Variants in RAB3B observed in about 807,000 individuals in gnomAD.
The protein encoded by RAB3B is ras-related protein Rab-3B.
In RAB3B, 11 loss-of-function variants were observed where a neutral mutation model predicts 20.5. The observed-to-expected ratio is 0.54, with a 90% CI of 0.34 to 0.89. The LOEUF (loss-of-function observed/expected upper bound fraction) is 0.89. Among genes scored for constraint, RAB3B ranks in the 40% least tolerant of loss-of-function variants. RAB3B has a pLI of 0.02. For missense variants in RAB3B, 225 were observed against 280.9 expected (o/e 0.80, Z 1.42); for synonymous variants, 99 against 106.3 (o/e 0.93, Z 0.42).
At chr1:51,977,263 T>G in intron 1 of RAB3B, 146 bp from the exon 2 acceptor site, 1 of 642,028 alleles carries the variant, frequency 1.6e-6, no homozygotes, top group South Asian at 1.9e-5. Flanking sequence ...AATCACCCCA[T>G]CACTACACCT....
chr1:51,920,318 TC>T (rs1300394270), intron 4 of RAB3B, among the ~76,000 whole-genome samples: 1 of 152,206 alleles, frequency 6.6e-6, no homozygotes, highest in African/African-American at 2.4e-5. Context: ...GTCAGACTGA[TC>T]CTAGCTCTAC....
At chr1:51,924,439 G>A (rs1056433455) in intron 4 of RAB3B, among the ~76,000 whole-genome samples, 3 of 152,202 alleles carry the variant, frequency 2.0e-5, no homozygotes, top group African/African-American at 7.2e-5. Flanking sequence ...CACTGTGAGT[G>A]TATGTGTGAG....
intron 2 of RAB3B, among the ~76,000 whole-genome samples, chr1:51,964,619 C>A (rs1169276748): frequency 6.6e-6 from 1 of 152,144 alleles, no homozygotes; most frequent in Admixed American, 6.5e-5. Context: ...AAACCCTGTT[C>A]TTCCTGCAGT....
intron 3 of RAB3B, 133 bp from the exon 4 acceptor site, chr1:51,933,575 A>G: frequency 1.3e-6 from 1 of 770,786 alleles, no homozygotes; most frequent in East Asian, 2.8e-5. Flanking sequence ...TTCGGGATGT[A>G]ATTATGTCAA....
Position 51,908,795 on chromosome 1 carries a change from T to C in RAB3B, c.*11132A>G, listed in dbSNP as rs1381042114. The C allele has an allele frequency of 6.6e-6, 1 of 152,176 alleles. No individual in the cohort carries two copies. Among genetic ancestry groups the C allele is most frequent in the East Asian group, 1.9e-4 (1 of 5,180 alleles). The allele number at this position is 152,176 out of a possible 1,614,324, so 9.4% of individuals were successfully genotyped here. On this transcript the variant is annotated 3_prime_UTR_variant, in exon 5 of 5. Transcript: ENST00000371655. ...CCTGCCATTTACTGCCTTCTCTATG[T>C]AGTCTTGGATAGGTTGCTTCACTGA...
chr1:51,928,408 C>T (rs921252518), intron 4 of RAB3B, among the ~76,000 whole-genome samples: 4 of 152,184 alleles, frequency 2.6e-5, no homozygotes, highest in Non-Finnish European at 4.4e-5. Context: ...AGCCCAGCCT[C>T]ACAGCTTTAA....
intron 2 of RAB3B, among the ~76,000 whole-genome samples, chr1:51,945,862 C>T (rs1306614461): frequency 6.6e-6 from 1 of 152,184 alleles, no homozygotes; most frequent in Non-Finnish European, 1.5e-5. Flanking sequence ...TGGCCTAACT[C>T]CCAGCTCTGC....
At chr1:51,966,748 A>G (rs1055198826) in intron 2 of RAB3B, among the ~76,000 whole-genome samples, 1 of 152,200 alleles carries the variant, frequency 6.6e-6, no homozygotes, top group Admixed American at 6.5e-5. Context: ...TCTGATTATC[A>G]TAAGAGCTGA....
chr1:51,980,118 A>G lies in RAB3B; in HGVS notation c.1-3001T>C, dbSNP rs140518912. Among the ~76,000 whole-genome samples, 66 of 151,312 alleles carry G rather than the reference A, an allele frequency of 4.4e-4. No homozygotes were observed. In the East Asian group the frequency reaches 0.012, roughly 28 times the overall value. ...AACATTTTACTGTATTTCCTCCAAT[A>G]TTTTTTCATACAAAAGAGTGCCACC... On this transcript the variant is annotated intron_variant, in intron 1 of 4. Transcript: ENST00000371655.
intron 2 of RAB3B, among the ~76,000 whole-genome samples, chr1:51,951,929 C>T (rs551277096): frequency 2.6e-5 from 4 of 152,296 alleles, no homozygotes; most frequent in South Asian, 2.1e-4. Flanking sequence ...GATTCTAAAG[C>T]GCCTCCCTGC....
intron 3 of RAB3B, among the ~76,000 whole-genome samples, chr1:51,935,176 A>T (rs893253966): frequency 1.5e-4 from 23 of 152,118 alleles, no homozygotes; most frequent in Admixed American, 1.0e-3. Context: ...CTTGAATCTG[A>T]CTCTACCCTG....
In RAB3B at chr1:51,912,659, GA is replaced by G. The variant is rs1470264646; in HGVS notation, c.*7267del. The G allele has an allele frequency of 1.4e-4, 21 of 144,968 alleles. No homozygotes were observed. The highest frequency in any genetic ancestry group is 2.8e-4 in the Admixed American group (4 of 14,306). The allele number at this position is 144,968 out of a possible 1,614,324, so 9.0% of individuals were successfully genotyped here. A position where few individuals can be genotyped will look rare whatever the true frequency, so the allele number is the denominator to read the frequency against. ...AGAGTGGAGTAATTACGTAAGTAGG[GA>G]AATGTTAGGAACTCTGTGGTAGCTC... On this transcript the variant is annotated 3_prime_UTR_variant, in exon 5 of 5. Coordinates refer to ENST00000371655, the MANE Select transcript of RAB3B (RefSeq NM_002867.4).
At chr1:51,966,630 G>A (rs564770817) in intron 2 of RAB3B, among the ~76,000 whole-genome samples, 40 of 152,172 alleles carry the variant, frequency 2.6e-4, no homozygotes, top group Non-Finnish European at 4.0e-4. Flanking sequence ...TTTAAAATCA[G>A]ATTAAACTTA....
chr1:51,945,738 T>C (rs1446241290), intron 2 of RAB3B, among the ~76,000 whole-genome samples: 1 of 152,206 alleles, frequency 6.6e-6, no homozygotes, highest in Non-Finnish European at 1.5e-5. Flanking sequence ...CCCATTCCAT[T>C]CAAACCTACC....
At chr1:51,989,100 C>T (rs974664971) in intron 1 of RAB3B, among the ~76,000 whole-genome samples, 2 of 101,164 alleles carry the variant, frequency 2.0e-5, no homozygotes, top group East Asian at 3.8e-4. Context: ...CACCTGTGCG[C>T]GCGCACACAC....
intron 2 of RAB3B, among the ~76,000 whole-genome samples, chr1:51,973,796 GAAGT>G (rs957942306): frequency 1.3e-5 from 2 of 152,146 alleles, no homozygotes; most frequent in Non-Finnish European, 2.9e-5. Context: ...CATAAACAAA[GAAGT>G]GAGTCAGTCC....
Position 51,931,882 on chromosome 1 carries a change from G to A in RAB3B, c.472+1436C>T, listed in dbSNP as rs1684331915. Among the ~76,000 whole-genome samples the A allele has an allele frequency of 2.0e-5, 3 of 152,054 alleles. No individual in the cohort carries two copies. In the South Asian group the frequency reaches 6.2e-4, roughly 32 times the overall value. On this transcript the variant is annotated intron_variant, in intron 4 of 4. Transcript: ENST00000371655. The stretch of plus-strand genomic sequence containing the variant: ...AAGCAGATGAAATATAGTCAGTCCA[G>A]GGAGAGTGCTGGGAGCCTCCAGGGA...
At chr1:51,964,438 C>T (rs1684820764) in intron 2 of RAB3B, among the ~76,000 whole-genome samples, 1 of 151,746 alleles carries the variant, frequency 6.6e-6, no homozygotes, top group South Asian at 2.1e-4. Context: ...TTCTTCCTGC[C>T]TTCACTCTTT....
At position 51,957,703 on chromosome 1, in the gene RAB3B, C is replaced by G. The variant is rs1251262571; in HGVS notation, c.228+19187G>C. Among the ~76,000 whole-genome samples, 6 of 152,330 alleles carry G rather than the reference C, an allele frequency of 3.9e-5. No individual in the cohort carries two copies. The South Asian group carries it at 1.0e-3, about 26-fold the overall frequency. On this transcript the variant is annotated intron_variant, in intron 2 of 4. Transcript: ENST00000371655. ...CCCTCAGTAATCTGCTGCTCTTCCC[C>G]CTGGTGTCAACACCCAGAATGGGCC... is the stretch of plus-strand genomic sequence containing the variant.
Sources: gnomAD v4.1 joint callset for allele counts (sites outside exome capture counted in the v4.1 genomes callset) on GRCh38, gnomAD v4.1.1 for gene constraint, MANE v1.5 for transcripts, NCBI Gene and HGNC (gene_info 2026-07-23, HGNC 2026-07-21) for gene names.